Variants in EYS observed in about 807,000 individuals in gnomAD.
The protein encoded by EYS is protein eyes shut homolog.
EYS carries 250 observed loss-of-function variants against 282.1 expected under a neutral mutation model. The observed-to-expected ratio is 0.89, with a 90% CI of 0.80 to 0.98. The LOEUF is 0.98. Ranked by LOEUF, EYS falls within the 50% of genes least tolerant of loss-of-function variation. The pLI, the probability that EYS is intolerant of heterozygous loss-of-function variation, is 0.00. For synonymous variants in EYS, 1,355 were observed against 1,282.9 expected, an observed-to-expected ratio of 1.06 and a Z score of -1.20; for missense variants, 4,016 against 3,709.0, an observed-to-expected ratio of 1.08 and a Z score of -2.15.
chr6:65,365,846 G>A (rs1322946757), intron 8 of EYS, among the ~76,000 whole-genome samples: 1 of 151,722 alleles, frequency 6.6e-6, no homozygotes, highest in Non-Finnish European at 1.5e-5. Context: ...AATGTTGGCT[G>A]TCTAGTAAAT....
intron 26 of EYS, among the ~76,000 whole-genome samples, chr6:64,491,531 C>G (rs1041589496): frequency 6.6e-6 from 1 of 150,866 alleles, no homozygotes; most frequent in Admixed American, 6.6e-5. Context: ...TAATAGCTAA[C>G]AAAAAATATT....
intron 9 of EYS, among the ~76,000 whole-genome samples, chr6:65,344,447 A>G (rs1386621143): frequency 1.3e-5 from 2 of 151,494 alleles, no homozygotes; most frequent in East Asian, 3.9e-4. Flanking sequence ...TCAAATTTTG[A>G]CTAAACTGTA....
At chr6:64,948,480 A>AACTATTAAATATTTTAATATTAATT (rs1769369606) in intron 14 of EYS, among the ~76,000 whole-genome samples, 1 of 147,036 alleles carries the variant, frequency 6.8e-6, no homozygotes, top group Non-Finnish European at 1.5e-5. Context: ...AAATATTAAT[A>AACTATTAAATATTTTAATATTAATT]ACTATTAAAT....
chr6:64,780,299 A>T (rs897265303), intron 22 of EYS, among the ~76,000 whole-genome samples: 2 of 152,216 alleles, frequency 1.3e-5, no homozygotes. Context: ...GACATATGAA[A>T]AATATAATGG....
At chr6:64,443,519 T>C (rs1775019962) in intron 26 of EYS, among the ~76,000 whole-genome samples, 1 of 152,174 alleles carries the variant, frequency 6.6e-6, no homozygotes, top group South Asian at 2.1e-4. Flanking sequence ...ATGATAAGAT[T>C]TGGCTCTGTG....
At chr6:64,766,650 A>ATATATATATATG (rs1773356984) in intron 22 of EYS, among the ~76,000 whole-genome samples, 1 of 27,648 alleles carries the variant, frequency 3.6e-5, no homozygotes, top group Non-Finnish European at 6.3e-5. Context: ...AAAAAAAAAA[A>ATATATATATATG]TATATATATA....
intron 36 of EYS, among the ~76,000 whole-genome samples, chr6:63,855,088 T>C (rs772768487): frequency 2.0e-5 from 3 of 152,250 alleles, no homozygotes; most frequent in Non-Finnish European, 2.9e-5. Flanking sequence ...TTTAATGCTG[T>C]TATTGCAGGA....
intron 36 of EYS, among the ~76,000 whole-genome samples, chr6:63,853,222 A>G (rs1007917831): frequency 6.6e-6 from 1 of 152,226 alleles, no homozygotes; most frequent in African/African-American, 2.4e-5. Flanking sequence ...ATGATTGTAT[A>G]TTTAGAAAAC....
intron 36 of EYS, among the ~76,000 whole-genome samples, chr6:63,837,192 C>T (rs1362603165): frequency 6.6e-6 from 1 of 152,040 alleles, no homozygotes; most frequent in Non-Finnish European, 1.5e-5. Flanking sequence ...AGAGCTGTAA[C>T]TTTTATAGTG....
In EYS at chr6:65,428,322, C is replaced by G. The variant is rs572349552; in HGVS notation, c.863-22955G>C. On this transcript the variant is annotated intron_variant, in intron 5 of 42. Transcript: ENST00000503581. The stretch of plus-strand genomic sequence containing the variant: ...AGCAATGTTAAAAAGTGAATATATA[C>G]ATAGAATGGTTAAATAAATACATTG... Among the ~76,000 whole-genome samples, 76 of 152,156 alleles carry G rather than the reference C, an allele frequency of 5.0e-4. 1 individual carries two copies. In the South Asian group the frequency reaches 0.015, roughly 31 times the overall value.
intron 9 of EYS, among the ~76,000 whole-genome samples, chr6:65,350,192 T>G (rs1582172002): frequency 6.6e-6 from 1 of 151,538 alleles, no homozygotes; most frequent in South Asian, 2.1e-4. Flanking sequence ...AAATACTTAA[T>G]AGATATATAA....
intron 12 of EYS, among the ~76,000 whole-genome samples, chr6:65,139,382 T>G (rs1373104831): frequency 6.6e-6 from 1 of 151,792 alleles, no homozygotes; most frequent in Non-Finnish European, 1.5e-5. Flanking sequence ...ATCTAAACAG[T>G]GAGTACCTAT....
intron 35 of EYS, among the ~76,000 whole-genome samples, chr6:63,983,244 A>G (rs1767186865): frequency 6.6e-6 from 1 of 151,798 alleles, no homozygotes; most frequent in South Asian, 2.1e-4. Flanking sequence ...TCACTATGTA[A>G]GTCAGATACT....
intron 35 of EYS, among the ~76,000 whole-genome samples, chr6:63,876,628 G>T (rs1408862500): frequency 6.6e-6 from 1 of 152,052 alleles, no homozygotes; most frequent in Admixed American, 6.6e-5. Flanking sequence ...GGTGTCTAAG[G>T]GCTTGCTTTA....
At chr6:65,439,511 C>T (rs1406314101) in intron 5 of EYS, among the ~76,000 whole-genome samples, 8 of 151,958 alleles carry the variant, frequency 5.3e-5, no homozygotes, top group African/African-American at 9.7e-5. Flanking sequence ...TGTTTGTGTC[C>T]TCTTTTATTT....
intron 30 of EYS, among the ~76,000 whole-genome samples, chr6:64,277,626 T>A (rs1196095107): frequency 6.6e-6 from 1 of 152,132 alleles, no homozygotes; most frequent in East Asian, 1.9e-4. Flanking sequence ...AACTCTTACC[T>A]TTCAAGGAGA....
chr6:64,341,587 T>C (rs1346323512), intron 29 of EYS, among the ~76,000 whole-genome samples: 1 of 151,660 alleles, frequency 6.6e-6, no homozygotes, highest in Non-Finnish European at 1.5e-5. Context: ...AACTACCCAT[T>C]GGGTACTATG....
chr6:65,150,808 T>G (rs1241339109), intron 12 of EYS, among the ~76,000 whole-genome samples: 1 of 152,052 alleles, frequency 6.6e-6, no homozygotes, highest in Admixed American at 6.6e-5. Flanking sequence ...TCTCCCAAAT[T>G]TATTGTTTAA....
intron 24 of EYS, among the ~76,000 whole-genome samples, chr6:64,608,587 T>G (rs188695972): frequency 2.4e-3 from 369 of 152,176 alleles, no homozygotes; most frequent in Non-Finnish European, 4.0e-3. Flanking sequence ...ATTGAAAACA[T>G]GTTCACACAA....
Sources: allele counts gnomAD v4.1 joint callset (sites outside exome capture counted in the v4.1 genomes callset), GRCh38; gene constraint gnomAD v4.1.1; transcripts MANE v1.5; gene names NCBI Gene and HGNC (gene_info 2026-07-23, HGNC 2026-07-21).